The following ANAPC5 variants were observed in gnomAD, a reference collection of about 807,000 sequenced individuals.
The protein encoded by ANAPC5 is anaphase-promoting complex subunit 5.
ANAPC5 carries 60 observed loss-of-function variants against 91.3 expected under a neutral mutation model. The ratio of observed to expected loss-of-function variants is 0.66; its 90% CI spans 0.53 to 0.81. ANAPC5 has a LOEUF of 0.81. Among genes scored for constraint, ANAPC5 ranks in the 40% least tolerant of loss-of-function variants. The pLI is 0.00. For synonymous variants in ANAPC5, 340 were observed against 364.1 expected (o/e 0.93, Z 0.75); for missense variants, 690 against 931.5 (o/e 0.74, Z 3.37).
chr12:121,350,723 C>T (rs1362583316), intron 1 of ANAPC5, among the ~76,000 whole-genome samples: 2 of 151,598 alleles, frequency 1.3e-5, no homozygotes, highest in Non-Finnish European at 2.9e-5. Context: ...ACTCATCCAC[C>T]TCTATCGCAT....
intron 8 of ANAPC5, chr12:121,330,998 C>T (rs1903021909): frequency 2.5e-6 from 1 of 400,808 alleles, no homozygotes; most frequent in East Asian, 5.0e-5. Context: ...CTGTGTTCCA[C>T]TGCCCTGGTG....
At chr12:121,335,504 T>G in intron 7 of ANAPC5, 29 bp downstream of exon 7, 1 of 1,554,096 alleles carries the variant, frequency 6.4e-7, no homozygotes, top group Non-Finnish European at 8.7e-7. Context: ...TCCTTCAATT[T>G]GCGCAAGGAC....
At chr12:121,321,607 C>T (rs1305832402) in intron 11 of ANAPC5, among the ~76,000 whole-genome samples, 1 of 149,930 alleles carries the variant, frequency 6.7e-6, no homozygotes, top group African/African-American at 2.5e-5. Context: ...TCTTGACTCA[C>T]TGCAACCTCC....
At chr12:121,346,232 C>T in intron 3 of ANAPC5, 2 of 472,764 alleles carry the variant, frequency 4.2e-6, no homozygotes, top group South Asian at 4.1e-5. Context: ...ATACAGGGCA[C>T]AATCTACCCA....
At chr12:121,343,511 G>A (rs1364425544) in intron 4 of ANAPC5, among the ~76,000 whole-genome samples, 1 of 152,184 alleles carries the variant, frequency 6.6e-6, no homozygotes, top group African/African-American at 2.4e-5. Flanking sequence ...GGAGCAGCAG[G>A]CCAACCTGGG....
chr12:121,340,468 C>G (rs574493168), intron 5 of ANAPC5, among the ~76,000 whole-genome samples: 2 of 152,048 alleles, frequency 1.3e-5, no homozygotes, highest in Admixed American at 6.6e-5. Flanking sequence ...TTTTTCCTTA[C>G]AGTTAACCAA....
At position 121,342,218 on chromosome 12, in the gene ANAPC5, T is replaced by C. The variant is rs1903487250; in HGVS notation, c.591-149A>G. ...TAGGAAAGAAAAACATAAAAAGTGATGTTGAGATCAATGCACAGAGCCCAT... is the reference window on the plus strand; with the variant it reads ...TAGGAAAGAAAAACATAAAAAGTGACGTTGAGATCAATGCACAGAGCCCAT... On this transcript the variant is annotated intron_variant, in intron 4 of 16. Transcript: ENST00000261819. This position sits in a 1 kb window ranked among gnomAD's most constrained non-coding sequence, Gnocchi z 4.1. 8.0e-6 allele frequency: 5 copies of C among 624,262 alleles called. No homozygotes were observed. The highest frequency in any genetic ancestry group is 2.7e-6 in the Non-Finnish European group (1 of 366,658). 38.7% of individuals were successfully genotyped at this position (624,262 alleles called of 1,614,324 possible).
Position 121,342,123 on chromosome 12 carries a change from A to T in ANAPC5, c.591-54T>A, listed in dbSNP as rs1566195252. 8 of 1,286,212 alleles carry T rather than the reference A, an allele frequency of 6.2e-6. No individual in the cohort carries two copies. The East Asian group carries it at 1.9e-4, about 30-fold the overall frequency. The allele number at this position is 1,286,212 out of a possible 1,614,324, so 79.7% of individuals were successfully genotyped here. A position where few individuals can be genotyped will look rare whatever the true frequency, so the allele number is the denominator to read the frequency against. On this transcript the variant is annotated intron_variant, in intron 4 of 16. Coordinates refer to ENST00000261819, the MANE Select transcript of ANAPC5 (RefSeq NM_016237.5). The surrounding 1 kb of genome is among the most constrained non-coding windows in gnomAD (Gnocchi z 4.1). Reference sequence around the variant, plus strand: ...AAAGAATTACACAAAAGTAAAAATGATAACATTTATAAAATCAGATGGATT... The same window carrying T: ...AAAGAATTACACAAAAGTAAAAATGTTAACATTTATAAAATCAGATGGATT...
At chr12:121,351,060 C>G (rs1566200782) in intron 1 of ANAPC5, 1 of 450,094 alleles carries the variant, frequency 2.2e-6, no homozygotes, top group East Asian at 7.4e-5. Context: ...TGAGCTAAAC[C>G]TGTGTCTGCA....
chr12:121,348,253 G>A (rs981710787), intron 1 of ANAPC5, among the ~76,000 whole-genome samples: 7 of 152,130 alleles, frequency 4.6e-5, no homozygotes, highest in Admixed American at 1.3e-4. Flanking sequence ...ATAATACAAA[G>A]TGCTTTGTAA....
chr12:121,336,291 C>T lies in ANAPC5; in HGVS notation c.760-568G>A, dbSNP rs782519769. On this transcript the variant is annotated intron_variant, in intron 6 of 16. Coordinates refer to ENST00000261819, the MANE Select transcript of ANAPC5 (RefSeq NM_016237.5). ...CCAAATACTATTTAAGAAAATTTTC[C>T]GAGTAAAAAATCCATTAAGGAATGG... Among the ~76,000 whole-genome samples the T allele has an allele frequency of 5.3e-5, 8 of 151,288 alleles. No homozygotes were observed. The East Asian group carries it at 7.7e-4, about 15-fold the overall frequency.
chr12:121,331,626 G>A (rs566805271), intron 7 of ANAPC5, 198 bp from the exon 8 acceptor site: 12 of 417,804 alleles, frequency 2.9e-5, no homozygotes, highest in African/African-American at 2.0e-4. Flanking sequence ...TATAGGACAT[G>A]TCTCTTCTAA....
intron 15 of ANAPC5, among the ~76,000 whole-genome samples, chr12:121,315,922 C>A (rs1335958913): frequency 6.6e-6 from 1 of 152,002 alleles, no homozygotes; most frequent in East Asian, 1.9e-4. Context: ...AAAGCACAAG[C>A]AACAAAAGAA....
At chr12:121,319,540 G>T (rs1422645959) in intron 13 of ANAPC5, among the ~76,000 whole-genome samples, 157 bp downstream of exon 13, 1 of 143,808 alleles carries the variant, frequency 7.0e-6, no homozygotes, top group African/African-American at 2.5e-5. Context: ...AGTTACAGGT[G>T]TAAGTCACCA....
chr12:121,337,653 C>A (rs573277624), intron 5 of ANAPC5, among the ~76,000 whole-genome samples: 1 of 152,208 alleles, frequency 6.6e-6, no homozygotes, highest in South Asian at 2.1e-4. Context: ...CGCTCCCCAG[C>A]CATATACTAC....
At chr12:121,319,953 AT>A (rs1902529655) in intron 12 of ANAPC5, 135 bp from the exon 13 acceptor site, 2 of 886,200 alleles carry the variant, frequency 2.3e-6, no homozygotes, top group Non-Finnish European at 1.6e-6. Flanking sequence ...GGGATTTAAA[AT>A]TTTTTTAAAA....
chr12:121,350,111 A>G (rs1903826727), intron 1 of ANAPC5, among the ~76,000 whole-genome samples: 1 of 152,168 alleles, frequency 6.6e-6, no homozygotes, highest in Admixed American at 6.5e-5. Context: ...TTATAAAGAC[A>G]TCCCTTTTAT....
chr12:121,308,475 C>T lies in ANAPC5; in HGVS notation c.*5G>A. ...CTGCACAGCAGCCCAGCAGGGATGT[C>T]CTCTCTAGAGATGGTTTATCAAGGG... On this transcript the variant is annotated 3_prime_UTR_variant, in exon 17 of 17. Coordinates refer to ENST00000261819, the MANE Select transcript of ANAPC5 (RefSeq NM_016237.5). The T allele has an allele frequency of 6.2e-7, 1 of 1,613,434 alleles. No homozygotes were observed. The highest frequency in any genetic ancestry group is 8.5e-7 in the Non-Finnish European group (1 of 1,179,768).
intron 11 of ANAPC5, chr12:121,326,564 G>C (rs1902826671): frequency 6.6e-6 from 1 of 152,238 alleles, no homozygotes; most frequent in Admixed American, 6.5e-5. Flanking sequence ...GAGTCAACCA[G>C]GTTTCGGTTG....
Sources: gnomAD v4.1 joint callset for allele counts (sites outside exome capture counted in the v4.1 genomes callset) on GRCh38, gnomAD v4.1.1 for gene constraint, Gnocchi (gnomAD v3.1) non-coding constraint, MANE v1.5 for transcripts, NCBI Gene and HGNC (gene_info 2026-07-23, HGNC 2026-07-21) for gene names.